The following ZNF565 variants were observed in gnomAD, a reference collection of about 807,000 sequenced individuals.
ZNF565 encodes the protein zinc finger protein 565.
A neutral mutation model predicts 39.4 loss-of-function variants in ZNF565; 27 were observed. That is an observed-to-expected ratio of 0.69 (90% CI 0.51 to 0.95). The LOEUF (loss-of-function observed/expected upper bound fraction) is 0.95, where lower values mean the gene tolerates loss of function less well. ZNF565 is among the 40% of genes least tolerant of loss of function. The pLI, the probability that ZNF565 is intolerant of heterozygous loss-of-function variation, is 0.00. For missense variants in ZNF565, 524 were observed against 621.1 expected (o/e 0.84, Z 1.66); for synonymous variants, 185 against 216.6 (o/e 0.85, Z 1.28).
chr19:36,187,660 CAG>C (rs1232453588), intron 4 of ZNF565, among the ~76,000 whole-genome samples: 2 of 150,626 alleles, frequency 1.3e-5, no homozygotes, highest in Admixed American at 6.6e-5. Context: ...CCGGCCGAGA[CAG>C]AGTCTTGCTC....
intron 4 of ZNF565, among the ~76,000 whole-genome samples, 164 bp downstream of exon 4, chr19:36,194,069 C>G (rs1975669878): frequency 6.6e-6 from 1 of 152,108 alleles, no homozygotes; most frequent in African/African-American, 2.4e-5. Flanking sequence ...GGCCAAGGTT[C>G]TCTTGGAAGC....
intron 1 of ZNF565, chr19:36,212,893 A>T (rs1298434632): frequency 2.0e-5 from 3 of 152,154 alleles, no homozygotes; most frequent in Non-Finnish European, 4.4e-5. Context: ...GAAAAACAAG[A>T]AGGATTTCAG....
At chr19:36,239,171 T>C (rs760549544) in intron 1 of ZNF565, among the ~76,000 whole-genome samples, 1 of 152,186 alleles carries the variant, frequency 6.6e-6, no homozygotes, top group Non-Finnish European at 1.5e-5. Flanking sequence ...TTTTGCAGAA[T>C]GAGCTTAGAA....
intron 2 of ZNF565, among the ~76,000 whole-genome samples, chr19:36,196,780 C>G (rs1975773547): frequency 6.6e-6 from 1 of 151,356 alleles, no homozygotes; most frequent in East Asian, 1.9e-4. Flanking sequence ...TCAAGACCAG[C>G]CTGCCAGCTG....
intron 1 of ZNF565, among the ~76,000 whole-genome samples, chr19:36,229,677 A>G (rs532818502): frequency 1.3e-5 from 2 of 152,292 alleles, no homozygotes; most frequent in South Asian, 2.1e-4. Context: ...TATTATGTAC[A>G]TAAGTTTTTT....
At chr19:36,216,807 G>T (rs938426332), upstream of ZNF565, among the ~76,000 whole-genome samples, 3 of 117,640 alleles carry the variant, frequency 2.6e-5, no homozygotes, top group Admixed American at 1.7e-4. Flanking sequence ...GTGGGGAGAT[G>T]GGGACCCAAC....
At chr19:36,201,529 C>T (rs1975965702) in intron 2 of ZNF565, among the ~76,000 whole-genome samples, 1 of 151,904 alleles carries the variant, frequency 6.6e-6, no homozygotes, top group African/African-American at 2.4e-5. Context: ...GGGTGGAGTG[C>T]AGTGGGGAAA....
intron 1 of ZNF565, among the ~76,000 whole-genome samples, chr19:36,234,989 A>C (rs1977584503): frequency 6.6e-6 from 1 of 151,838 alleles, no homozygotes; most frequent in East Asian, 1.9e-4. Context: ...TCTCCTTATA[A>C]TTTTAATGGG....
chr19:36,231,841 A>G (rs1200239084), intron 1 of ZNF565, among the ~76,000 whole-genome samples: 7 of 151,986 alleles, frequency 4.6e-5, no homozygotes, highest in Admixed American at 4.6e-4. Flanking sequence ...GCGAGGCGGC[A>G]GATCTCTTGA....
At position 36,224,296 on chromosome 19, in the gene ZNF565, G is replaced by A. The variant is rs548826383; in HGVS notation, c.55+21180C>T. ...ATTCGGAGGCTGAGACAGGAGAATC[G>A]CTTGAACATAGGAGGGCGGAGGTTG... is the stretch of plus-strand genomic sequence containing the variant. On this transcript the variant is annotated intron_variant, in intron 1 of 4. Coordinates refer to the ZNF565 transcript ENST00000355114. Among the ~76,000 whole-genome samples, 14 of 152,218 alleles carry A rather than the reference G, an allele frequency of 9.2e-5. 1 individual carries two copies. The South Asian group carries it at 2.5e-3, about 27-fold the overall frequency.
upstream of ZNF565, among the ~76,000 whole-genome samples, chr19:36,217,206 G>A (rs1976648837): frequency 6.8e-6 from 1 of 146,414 alleles, no homozygotes; most frequent in Admixed American, 6.9e-5. Flanking sequence ...GGGATTAGTT[G>A]CCTGCCACCA....
chr19:36,182,871 A>G lies in ZNF565; in HGVS notation c.1095T>C (p.Cys365=). 6.2e-7 allele frequency: 1 copy of G among 1,614,082 alleles called. No individual in the cohort carries two copies. The change falls in exon 5 of 5, where the codon TGT becomes TGC. Residue 365 remains cysteine (C), a synonymous_variant. Transcript: ENST00000304116. ...GTCTGAAGGCCTTCCCACATTCCTT[A>G]CACTCATAGGGTTTCTCCCCAGAAT... ...RIHSGEKPYE[C]KECGKAFRQH...
chr19:36,223,623 A>G (rs1568431061), intron 1 of ZNF565, among the ~76,000 whole-genome samples: 1 of 152,128 alleles, frequency 6.6e-6, no homozygotes, highest in African/African-American at 2.4e-5. Flanking sequence ...TCGGCCCTCC[A>G]AAGTGCTGGG....
At chr19:36,193,677 G>C (rs528450169) in intron 4 of ZNF565, among the ~76,000 whole-genome samples, 1 of 152,148 alleles carries the variant, frequency 6.6e-6, no homozygotes, top group South Asian at 2.1e-4. Flanking sequence ...TCCTCACCTC[G>C]TGATCCGCCC....
intron 2 of ZNF565, among the ~76,000 whole-genome samples, chr19:36,198,043 G>C (rs1289638466): frequency 6.6e-6 from 1 of 152,030 alleles, no homozygotes; most frequent in Non-Finnish European, 1.5e-5. Context: ...CAGCTACTTG[G>C]GAGGCTGAGG....
At chr19:36,244,648 C>G (rs559336952) in intron 1 of ZNF565, among the ~76,000 whole-genome samples, 1 of 152,110 alleles carries the variant, frequency 6.6e-6, no homozygotes, top group African/African-American at 2.4e-5. Context: ...GCCAAGAGAT[C>G]GAGACCATCC....
intron 4 of ZNF565, among the ~76,000 whole-genome samples, chr19:36,185,106 A>G (rs2145295766): frequency 6.6e-6 from 1 of 150,628 alleles, no homozygotes; most frequent in African/African-American, 2.5e-5. Context: ...AGACAGAGTG[A>G]GAGTCCATCT....
rs10423026 is a variant in ZNF565, at chr19:36,210,285, G to A, written c.-66+4337C>T. 5.6e-3 allele frequency among the ~76,000 whole-genome samples: 849 copies of A among 151,620 alleles called. 6 individuals are homozygous for A. The highest frequency in any genetic ancestry group is 0.019 in the African/African-American group (796 of 41,344). ...AAAATACAAAAAAAATTAGCTGGGC[G>A]AGGTGGTGGGCGCCTGTAATCCCAG... On this transcript the variant is annotated intron_variant, in intron 1 of 4. Coordinates refer to ENST00000304116, the MANE Select transcript of ZNF565 (RefSeq NM_152477.5).
intron 4 of ZNF565, 130 bp downstream of exon 4, chr19:36,194,103 G>A (rs1034720659): frequency 3.9e-5 from 25 of 639,722 alleles, no homozygotes; most frequent in South Asian, 2.1e-4. Context: ...GTCTTTACTC[G>A]CCACATCTTC....
Sources: allele counts gnomAD v4.1 joint callset (sites outside exome capture counted in the v4.1 genomes callset), GRCh38; gene constraint gnomAD v4.1.1; transcripts MANE v1.5; gene names NCBI Gene and HGNC (gene_info 2026-07-23, HGNC 2026-07-21).